The following ORC4 variants were observed in gnomAD, a reference collection of about 807,000 sequenced individuals.
ORC4 encodes origin recognition complex, subunit 4 homolog.
A neutral mutation model predicts 63.9 loss-of-function variants in ORC4; 55 were observed. That is an observed-to-expected ratio of 0.86 (90% CI 0.69 to 1.08). The LOEUF (loss-of-function observed/expected upper bound fraction) is 1.08. Among genes scored for constraint, ORC4 ranks in the 50% least tolerant of loss-of-function variants. The probability of loss-of-function intolerance (pLI) is 0.00; values close to 1 mark genes in which losing one functional copy is unlikely to be tolerated. For missense variants in ORC4, 511 were observed against 504.4 expected, an observed-to-expected ratio of 1.01 and a Z score of -0.13; for synonymous variants, 150 against 168.5, an observed-to-expected ratio of 0.89 and a Z score of 0.85.
intron 1 of ORC4, among the ~76,000 whole-genome samples, chr2:148,018,447 C>T (rs1379333347): frequency 6.6e-6 from 1 of 152,154 alleles, no homozygotes; most frequent in African/African-American, 2.4e-5. Context: ...TGGTAATGTA[C>T]ATTAAGAATA....
chr2:148,005,307 C>T (rs866400817), intron 1 of ORC4, among the ~76,000 whole-genome samples: 2 of 152,030 alleles, frequency 1.3e-5, no homozygotes, highest in South Asian at 4.2e-4. Context: ...AATACAGGAA[C>T]AGAAAACCAA....
intron 1 of ORC4, among the ~76,000 whole-genome samples, chr2:147,982,698 GT>G (rs1690959978): frequency 6.6e-6 from 1 of 152,122 alleles, no homozygotes; most frequent in African/African-American, 2.4e-5. Flanking sequence ...TGTAAATAAA[GT>G]TTTAGTCCAA....
At chr2:147,980,113 T>G (rs1333112008) in intron 1 of ORC4, among the ~76,000 whole-genome samples, 1 of 152,012 alleles carries the variant, frequency 6.6e-6, no homozygotes, top group Non-Finnish European at 1.5e-5. Flanking sequence ...ACCTTCAGAA[T>G]AAGTGAAACT....
At chr2:147,961,227 C>T (rs976537294) in intron 4 of ORC4, among the ~76,000 whole-genome samples, 1 of 151,932 alleles carries the variant, frequency 6.6e-6, no homozygotes, top group Non-Finnish European at 1.5e-5. Flanking sequence ...ATCACTTGAG[C>T]ACAGCAGTTC....
At chr2:147,948,849 CTG>C (rs1000812550) in intron 8 of ORC4, among the ~76,000 whole-genome samples, 14 of 151,344 alleles carry the variant, frequency 9.3e-5, no homozygotes, top group African/African-American at 2.7e-4. Flanking sequence ...TTCCACAAAA[CTG>C]ATAGGCATTC....
At chr2:147,951,979 T>C (rs1688981637) in intron 8 of ORC4, among the ~76,000 whole-genome samples, 1 of 152,202 alleles carries the variant, frequency 6.6e-6, no homozygotes, top group Admixed American at 6.5e-5. Flanking sequence ...ACTTTGAAAG[T>C]TGGAATAGTA....
At chr2:147,990,411 T>C (rs1461671122) in intron 1 of ORC4, among the ~76,000 whole-genome samples, 1 of 152,218 alleles carries the variant, frequency 6.6e-6, no homozygotes, top group Non-Finnish European at 1.5e-5. Context: ...GTTGGATTGT[T>C]TGTACAGAGG....
chr2:147,990,497 T>C (rs1424398253), intron 1 of ORC4, among the ~76,000 whole-genome samples: 1 of 152,194 alleles, frequency 6.6e-6, no homozygotes, highest in Non-Finnish European at 1.5e-5. Flanking sequence ...ATATTCCAAG[T>C]TAGAAAATAA....
intron 1 of ORC4, among the ~76,000 whole-genome samples, chr2:148,000,085 GA>G (rs199929365): frequency 6.6e-6 from 1 of 150,436 alleles, no homozygotes; most frequent in South Asian, 2.1e-4. Flanking sequence ...AAAAATGACA[GA>G]AAAAAAATAG....
At chr2:147,979,714 T>C (rs75322814) in intron 1 of ORC4, among the ~76,000 whole-genome samples, 10,563 of 152,022 alleles carry the variant, frequency 0.069, 496 homozygotes, top group Admixed American at 0.12. Flanking sequence ...AACAACATGG[T>C]TCTGGCATAA....
At chr2:147,937,648 A>G (rs1688126485) in intron 13 of ORC4, among the ~76,000 whole-genome samples, 1 of 152,236 alleles carries the variant, frequency 6.6e-6, no homozygotes. Flanking sequence ...TAGAAAATTT[A>G]AAACTACATT....
chr2:148,001,795 A>G (rs1377745739), intron 1 of ORC4, among the ~76,000 whole-genome samples: 1 of 152,198 alleles, frequency 6.6e-6, no homozygotes, highest in South Asian at 2.1e-4. Context: ...AACTGGCCCA[A>G]TTAAAAGACA....
At chr2:147,981,179 G>T (rs1157148410) in intron 1 of ORC4, among the ~76,000 whole-genome samples, 1 of 152,176 alleles carries the variant, frequency 6.6e-6, no homozygotes, top group African/African-American at 2.4e-5. Flanking sequence ...CATGGGAGAT[G>T]AATTCCAAGG....
chr2:147,935,566 G>T lies in ORC4; in HGVS notation c.1255C>A (p.Pro419Thr). 1 of 1,613,806 alleles carries T rather than the reference G, an allele frequency of 6.2e-7. No homozygotes were observed. Among genetic ancestry groups the T allele is most frequent in the Non-Finnish European group, 8.5e-7 (1 of 1,179,770 alleles). The change falls in exon 14 of 14, where the codon CCC (proline) becomes ACC (threonine). Residue 419 changes from proline to threonine, a missense_variant. By Grantham distance (38) the Pro-to-Thr change is conservative (BLOSUM62 -1). Coordinates refer to ENST00000392857, the MANE Select transcript of ORC4 (RefSeq NM_181741.4). ...TQIMNALQKY[P>T]NCPTDVRQWA... ...TGCCTCACATCTGTAGGACAGTTGG[G>T]ATATTTCTGCAGAGCATTCATAATT...
intron 1 of ORC4, among the ~76,000 whole-genome samples, chr2:148,019,547 G>A (rs1271892892): frequency 6.6e-6 from 1 of 152,172 alleles, no homozygotes; most frequent in Non-Finnish European, 1.5e-5. Context: ...AGCCGAGATC[G>A]CGCCACTGCA....
chr2:147,946,348 A>C (rs372316305), intron 9 of ORC4, among the ~76,000 whole-genome samples: 3 of 152,206 alleles, frequency 2.0e-5, no homozygotes, highest in African/African-American at 7.2e-5. Flanking sequence ...GAAAGACTAC[A>C]TTTGAATCTC....
At chr2:148,008,085 ACT>A (rs1423270148) in intron 1 of ORC4, among the ~76,000 whole-genome samples, 1 of 152,112 alleles carries the variant, frequency 6.6e-6, no homozygotes, top group East Asian at 1.9e-4. Flanking sequence ...AGACATGAAG[ACT>A]CTCCTAGACT....
At chr2:148,010,136 T>C (rs529003599) in intron 1 of ORC4, among the ~76,000 whole-genome samples, 1 of 152,198 alleles carries the variant, frequency 6.6e-6, no homozygotes, top group Admixed American at 6.5e-5. Flanking sequence ...AAAAAATGTC[T>C]TGAAACAAAT....
intron 9 of ORC4, among the ~76,000 whole-genome samples, chr2:147,944,491 A>G (rs768872398): frequency 3.9e-5 from 6 of 152,194 alleles, no homozygotes; most frequent in Middle Eastern, 6.8e-3. Context: ...TTAGAAATTC[A>G]AAGATCACCA....
Sources: gnomAD v4.1 joint callset for allele counts (sites outside exome capture counted in the v4.1 genomes callset) on GRCh38, gnomAD v4.1.1 for gene constraint, MANE v1.5 for transcripts, NCBI Gene and HGNC (gene_info 2026-07-23, HGNC 2026-07-21) for gene names.